Variants in GPR39 observed in about 807,000 individuals in gnomAD.
GPR39 encodes zinc sensing receptor.
In GPR39, 23 loss-of-function variants were observed where a neutral mutation model predicts 18.4. The ratio of observed to expected loss-of-function variants is 1.25; its 90% CI spans 0.90 to 1.77. The LOEUF (loss-of-function observed/expected upper bound fraction) is 1.77. Among genes scored for constraint, GPR39 ranks in the 40% most tolerant of loss-of-function variants. The pLI is 0.00. For missense variants in GPR39, 647 were observed against 602.4 expected, an observed-to-expected ratio of 1.07 and a Z score of -0.78; for synonymous variants, 280 against 257.9, an observed-to-expected ratio of 1.09 and a Z score of -0.82.
At chr2:132,437,662 C>T (rs1455188542) in intron 1 of GPR39, among the ~76,000 whole-genome samples, 1 of 152,164 alleles carries the variant, frequency 6.6e-6, no homozygotes, top group Non-Finnish European at 1.5e-5. Flanking sequence ...CAGGTATTTA[C>T]TGAATAGACA....
chr2:132,645,644 C>CCAGCCCTA lies in GPR39; in HGVS notation c.*39_*46dup. On this transcript the variant is annotated 3_prime_UTR_variant, in exon 2 of 2. Coordinates refer to ENST00000329321, the MANE Select transcript of GPR39 (RefSeq NM_001508.3). The stretch of plus-strand genomic sequence containing the variant: ...GGAGCCTTGAGTGGGAACTGGCCCT[C>CCAGCCCTA]CAGCCCTAAGAAAACGTCACTCTCA... The CCAGCCCTA allele has an allele frequency of 3.8e-6, 6 of 1,578,446 alleles. No individual in the cohort carries two copies. The highest frequency in any genetic ancestry group is 5.2e-6 in the Non-Finnish European group (6 of 1,163,794).
At chr2:132,549,681 G>T (rs1233328531) in intron 1 of GPR39, among the ~76,000 whole-genome samples, 1 of 152,044 alleles carries the variant, frequency 6.6e-6, no homozygotes, top group African/African-American at 2.4e-5. Flanking sequence ...CCAGCTACTC[G>T]GGAGGCTGAG....
intron 1 of GPR39, among the ~76,000 whole-genome samples, chr2:132,618,866 G>A (rs1211980779): frequency 1.3e-5 from 2 of 152,216 alleles, no homozygotes; most frequent in East Asian, 1.9e-4. Flanking sequence ...GATGGGAGAG[G>A]GGCCAAGGGT....
chr2:132,607,078 A>G (rs1681153209), intron 1 of GPR39, among the ~76,000 whole-genome samples: 2 of 152,198 alleles, frequency 1.3e-5, no homozygotes, highest in South Asian at 4.1e-4. Flanking sequence ...GGCGGGTAAT[A>G]TGGATCAGAA....
At chr2:132,566,660 G>T (rs72841210) in intron 1 of GPR39, among the ~76,000 whole-genome samples, 72 of 152,250 alleles carry the variant, frequency 4.7e-4, no homozygotes, top group Middle Eastern at 3.4e-3. Flanking sequence ...CAGTATTGGT[G>T]AGAGTGTGGG....
At chr2:132,591,831 G>T (rs114986786) in intron 1 of GPR39, among the ~76,000 whole-genome samples, 59 of 152,242 alleles carry the variant, frequency 3.9e-4, no homozygotes, top group Non-Finnish European at 6.3e-4. Flanking sequence ...AAAAAACCAT[G>T]TACAAGCTTT....
rs144719143 is a variant in GPR39, at chr2:132,563,796, G to A, written c.857-81305G>A. On this transcript the variant is annotated intron_variant, in intron 1 of 1. Transcript: ENST00000329321. ...TTGGCACTGGTATTTCTGAAAGCAC[G>A]CAGATGATTTAAATAGGTGGCCTGG... Among the ~76,000 whole-genome samples, 66 of 152,302 alleles carry A rather than the reference G, an allele frequency of 4.3e-4. 1 individual carries two copies. Among genetic ancestry groups the A allele is most frequent in the African/African-American group, 1.3e-3 (53 of 41,576 alleles).
intron 1 of GPR39, among the ~76,000 whole-genome samples, chr2:132,469,133 G>C (rs1012329820): frequency 6.6e-6 from 1 of 152,194 alleles, no homozygotes; most frequent in African/African-American, 2.4e-5. Flanking sequence ...ATTCCGTTGT[G>C]TCTTTCCCTT....
At chr2:132,492,730 TA>T (rs1681512379) in intron 1 of GPR39, among the ~76,000 whole-genome samples, 2 of 102,098 alleles carry the variant, frequency 2.0e-5, no homozygotes, top group East Asian at 2.4e-4. Flanking sequence ...ATATATACCA[TA>T]TATATATACA....
chr2:132,528,270 C>T (rs749346606), intron 1 of GPR39, among the ~76,000 whole-genome samples: 33 of 152,032 alleles, frequency 2.2e-4, no homozygotes, highest in Admixed American at 5.9e-4. Flanking sequence ...GAGTTCTCTG[C>T]TCTGTTCCAT....
chr2:132,552,105 G>T (rs1205653255), intron 1 of GPR39, among the ~76,000 whole-genome samples: 1 of 152,130 alleles, frequency 6.6e-6, no homozygotes, highest in African/African-American at 2.4e-5. Flanking sequence ...TACTGAATAT[G>T]TACAGACTTT....
rs1239345373 is a variant in GPR39 at position 132,645,237 on chromosome 2, G to GT, written c.998dup (p.Tyr334LeufsTer73). On this transcript the variant is annotated frameshift_variant, in exon 2 of 2. Transcript: ENST00000329321. LOFTEE classifies it low-confidence loss of function (END_TRUNC). The stretch of plus-strand genomic sequence containing the variant: ...TGATCCTCCTCCCCTTCTCGGAGAC[G>GT]TTTTTCTACCTCAGCTCGGTCATCA... 6.2e-7 allele frequency: 1 copy of GT among 1,614,154 alleles called. No homozygotes were observed.
chr2:132,570,506 C>T (rs2104814030), intron 1 of GPR39, among the ~76,000 whole-genome samples: 1 of 152,284 alleles, frequency 6.6e-6, no homozygotes, highest in Admixed American at 6.5e-5. Flanking sequence ...GTTGATCATC[C>T]TTTTGCCCCA....
intron 1 of GPR39, among the ~76,000 whole-genome samples, chr2:132,508,477 G>C (rs147735917): frequency 6.6e-6 from 1 of 152,194 alleles, no homozygotes; most frequent in African/African-American, 2.4e-5. Context: ...GAGAATTGGA[G>C]ACTAAATGCT....
At chr2:132,617,901 G>T (rs1681366101) in intron 1 of GPR39, among the ~76,000 whole-genome samples, 1 of 152,202 alleles carries the variant, frequency 6.6e-6, no homozygotes, top group Non-Finnish European at 1.5e-5. Context: ...AACAGGTTAA[G>T]CATTGACCAA....
intron 1 of GPR39, among the ~76,000 whole-genome samples, chr2:132,447,684 A>G (rs903941730): frequency 3.9e-5 from 6 of 152,216 alleles, no homozygotes; most frequent in African/African-American, 1.4e-4. Context: ...GTTTTTTAGC[A>G]AAATTGGAGC....
At chr2:132,419,383 G>A (rs1679967086) in intron 1 of GPR39, among the ~76,000 whole-genome samples, 1 of 152,158 alleles carries the variant, frequency 6.6e-6, no homozygotes, top group Non-Finnish European at 1.5e-5. Flanking sequence ...TGCTTTTCAG[G>A]GCAGAGAAAT....
chr2:132,487,857 G>C (rs917183055), intron 1 of GPR39, among the ~76,000 whole-genome samples: 1 of 152,144 alleles, frequency 6.6e-6, no homozygotes, highest in East Asian at 1.9e-4. Flanking sequence ...TATTGGAAAA[G>C]AGGCAATATT....
rs1171197946 is a variant in GPR39 at position 132,416,889 on chromosome 2, C to G, written c.-154C>G. The G allele has an allele frequency of 2.0e-6, 2 of 1,023,664 alleles. No individual in the cohort carries two copies. Among genetic ancestry groups the G allele is most frequent in the Non-Finnish European group, 2.8e-6 (2 of 712,482 alleles). The allele number at this position is 1,023,664 out of a possible 1,614,324, so 63.4% of individuals were successfully genotyped here. ...CTCCAGCAAGTTTCCATGAAAGCAC[C>G]TGAAATACTAAGTTACCTTCGCGAG... is the stretch of plus-strand genomic sequence containing the variant. On this transcript the variant is annotated 5_prime_UTR_variant, in exon 1 of 2. Transcript: ENST00000329321.
Sources: gnomAD v4.1 joint callset for allele counts (sites outside exome capture counted in the v4.1 genomes callset) on GRCh38, gnomAD v4.1.1 for gene constraint, MANE v1.5 for transcripts, NCBI Gene and HGNC (gene_info 2026-07-23, HGNC 2026-07-21) for gene names.